RAB30: variants seen among roughly 807,000 people sequenced by gnomAD.
RAB30 encodes ras-related protein Rab-30.
RAB30 carries 9 observed loss-of-function variants against 25.1 expected under a neutral mutation model. That is an observed-to-expected ratio of 0.36 (90% CI 0.22 to 0.63). RAB30 has a LOEUF of 0.63. Among genes scored for constraint, RAB30 ranks in the 20% least tolerant of loss-of-function variants. RAB30 has a pLI of 0.69. For synonymous variants in RAB30, 77 were observed against 86.4 expected, an observed-to-expected ratio of 0.89 and a Z score of 0.60; for missense variants, 140 against 243.5, an observed-to-expected ratio of 0.58 and a Z score of 2.83.
In RAB30 at chr11:82,973,947, G is replaced by T. The variant is rs1316360564; in HGVS notation, c.*8218C>A. ...ACATGAAAACAATGTACTGATTTAT[G>T]CTACAACATGGATGAGCTTTAAAAA... On this transcript the variant is annotated 3_prime_UTR_variant, in exon 5 of 5. Coordinates refer to ENST00000527633, the MANE Select transcript of RAB30 (RefSeq NM_001286060.2). 2 of 152,206 alleles carry T rather than the reference G, an allele frequency of 1.3e-5. No homozygotes were observed. Among genetic ancestry groups the T allele is most frequent in the Admixed American group, 1.3e-4 (2 of 15,286 alleles). 9.4% of individuals were successfully genotyped at this position (152,206 alleles called of 1,614,324 possible).
At chr11:83,069,718 A>G (rs1292135525) in intron 1 of RAB30, among the ~76,000 whole-genome samples, 1 of 152,230 alleles carries the variant, frequency 6.6e-6, no homozygotes, top group Non-Finnish European at 1.5e-5. Context: ...AGAGCATTTA[A>G]AAACCTTGCT....
At chr11:83,010,967 TGAAAA>T (rs1375800376) in intron 1 of RAB30, among the ~76,000 whole-genome samples, 2 of 152,084 alleles carry the variant, frequency 1.3e-5, no homozygotes, top group Non-Finnish European at 2.9e-5. Flanking sequence ...GGCTGTAAAA[TGAAAA>T]GAATTTGCAA....
intron 1 of RAB30, among the ~76,000 whole-genome samples, chr11:83,066,959 C>G (rs1858714310): frequency 6.6e-6 from 1 of 152,138 alleles, no homozygotes. Context: ...TGAATAGGCC[C>G]TTAGTGACTT....
intron 4 of RAB30, among the ~76,000 whole-genome samples, chr11:82,984,023 C>T (rs1014836912): frequency 1.3e-5 from 2 of 152,026 alleles, no homozygotes; most frequent in African/African-American, 4.8e-5. Flanking sequence ...TTCTGCAGTC[C>T]TGAATTATAA....
chr11:83,051,952 T>C (rs1858367643), intron 1 of RAB30, among the ~76,000 whole-genome samples: 1 of 151,632 alleles, frequency 6.6e-6, no homozygotes, highest in South Asian at 2.1e-4. Context: ...CTGGCTAGAG[T>C]TTTCAAAGAT....
intron 1 of RAB30, among the ~76,000 whole-genome samples, chr11:83,009,164 G>A (rs78657689): frequency 0.038 from 5,733 of 151,556 alleles, 162 homozygotes; most frequent in East Asian, 0.11. Flanking sequence ...CACACCCCAG[G>A]TTCAAGCAAT....
At chr11:83,009,056 A>C (rs1490831561) in intron 1 of RAB30, among the ~76,000 whole-genome samples, 2 of 151,708 alleles carry the variant, frequency 1.3e-5, no homozygotes, top group Admixed American at 1.3e-4. Flanking sequence ...TATTAAAGAA[A>C]TGGCCAAAAA....
intron 1 of RAB30, among the ~76,000 whole-genome samples, chr11:83,027,765 C>T (rs1279397235): frequency 2.0e-5 from 3 of 152,116 alleles, no homozygotes. Flanking sequence ...TTTTCCATTC[C>T]CCCAATGAAA....
chr11:82,995,894 A>G (rs1385806894), intron 2 of RAB30, among the ~76,000 whole-genome samples: 1 of 152,222 alleles, frequency 6.6e-6, no homozygotes, highest in Non-Finnish European at 1.5e-5. Context: ...AGGTGGGTTG[A>G]ATAATCTCTA....
chr11:82,982,549 T>C (rs1856661135), intron 4 of RAB30, 134 bp from the exon 5 acceptor site: 2 of 953,978 alleles, frequency 2.1e-6, no homozygotes, highest in Non-Finnish European at 3.1e-6. Flanking sequence ...GTGACTGTGA[T>C]TACTGAAATG....
At chr11:83,070,858 G>T (rs1194330552) in intron 1 of RAB30, among the ~76,000 whole-genome samples, 1 of 152,012 alleles carries the variant, frequency 6.6e-6, no homozygotes, top group Non-Finnish European at 1.5e-5. Flanking sequence ...TTCCCTAATC[G>T]ATCTCTTCAA....
chr11:83,025,874 AGATATAGATAGAT>A (rs60297231), intron 1 of RAB30, among the ~76,000 whole-genome samples: 35,261 of 152,086 alleles, frequency 0.23, 4,846 homozygotes, highest in Admixed American at 0.33. Context: ...ATAGATAAAC[AGATATAGATAGAT>A]GATATAGATA....
intron 1 of RAB30, among the ~76,000 whole-genome samples, chr11:83,012,022 G>C (rs1857315759): frequency 6.6e-6 from 1 of 152,140 alleles, no homozygotes. Flanking sequence ...CACCACTGAG[G>C]GGCTCAGTTT....
intron 1 of RAB30, among the ~76,000 whole-genome samples, chr11:83,017,198 G>A (rs1223565068): frequency 6.6e-6 from 1 of 152,024 alleles, no homozygotes; most frequent in Admixed American, 6.6e-5. Context: ...AATTAGCTGG[G>A]CATGTTGGCG....
intron 1 of RAB30, among the ~76,000 whole-genome samples, chr11:82,998,402 C>T (rs1321449210): frequency 4.0e-5 from 6 of 151,888 alleles, no homozygotes; most frequent in Non-Finnish European, 8.8e-5. Flanking sequence ...ACAAAAATTA[C>T]CCAGGTGTGG....
chr11:82,973,677 T>C lies in RAB30; in HGVS notation c.*8488A>G, dbSNP rs1054756003. Reference sequence around the variant, plus strand: ...TAATTGATCAATTAAACTAAGATCGTAAGTTGCACTCTCCAAACAGGATTG... The same window carrying C: ...TAATTGATCAATTAAACTAAGATCGCAAGTTGCACTCTCCAAACAGGATTG... On this transcript the variant is annotated 3_prime_UTR_variant, in exon 5 of 5. Transcript: ENST00000527633. 1.4e-4 allele frequency: 21 copies of C among 152,194 alleles called. No homozygotes were observed. The highest frequency in any genetic ancestry group is 4.3e-4 in the African/African-American group (18 of 41,450). 9.4% of individuals were successfully genotyped at this position (152,194 alleles called of 1,614,324 possible). A position where few individuals can be genotyped will look rare whatever the true frequency, so the allele number is the denominator to read the frequency against.
intron 1 of RAB30, among the ~76,000 whole-genome samples, chr11:83,007,991 G>A (rs1857221817): frequency 6.6e-6 from 1 of 152,244 alleles, no homozygotes; most frequent in South Asian, 2.1e-4. Flanking sequence ...CCACTGCAAA[G>A]AGCTCTGGGC....
intron 1 of RAB30, among the ~76,000 whole-genome samples, chr11:83,010,064 G>A (rs924060926): frequency 2.0e-5 from 3 of 152,146 alleles, no homozygotes; most frequent in Admixed American, 6.5e-5. Flanking sequence ...ACCACATCTG[G>A]CTAAGATGAC....
At chr11:83,046,002 T>C (rs1437768402) in intron 1 of RAB30, among the ~76,000 whole-genome samples, 2 of 152,232 alleles carry the variant, frequency 1.3e-5, no homozygotes, top group African/African-American at 4.8e-5. Flanking sequence ...CATGGTTTCA[T>C]ATATGTCTCA....
Sources: gnomAD v4.1 joint callset for allele counts (sites outside exome capture counted in the v4.1 genomes callset) on GRCh38, gnomAD v4.1.1 for gene constraint, MANE v1.5 for transcripts, NCBI Gene and HGNC (gene_info 2026-07-23, HGNC 2026-07-21) for gene names.